The following CTNNA3 variants were observed in gnomAD, a reference collection of about 807,000 sequenced individuals.
CTNNA3 encodes catenin alpha 3, also known as catenin alpha-3.
Under a neutral mutation model 95.7 loss-of-function variants are expected in CTNNA3, and 76 were observed. The observed-to-expected ratio is 0.79, with a 90% CI of 0.66 to 0.96. CTNNA3 has a LOEUF of 0.96. Ranked by LOEUF, CTNNA3 falls within the 40% of genes least tolerant of loss-of-function variation. The probability of loss-of-function intolerance (pLI) is 0.00; values close to 1 mark genes in which losing one functional copy is unlikely to be tolerated. For missense variants in CTNNA3, 1,191 were observed against 1,089.8 expected (o/e 1.09, Z -1.31); for synonymous variants, 431 against 374.4 (o/e 1.15, Z -1.74).
intron 7 of CTNNA3, among the ~76,000 whole-genome samples, chr10:67,047,043 C>T (rs897037679): frequency 1.3e-5 from 2 of 152,214 alleles, no homozygotes; most frequent in African/African-American, 4.8e-5. Flanking sequence ...TCCAGGAGCA[C>T]TGCCTGTATC....
At chr10:66,018,824 C>T (rs2079144741) in intron 15 of CTNNA3, among the ~76,000 whole-genome samples, 2 of 151,812 alleles carry the variant, frequency 1.3e-5, no homozygotes, top group South Asian at 4.2e-4. Context: ...ATAAATGATT[C>T]CTCAGAATTA....
chr10:66,225,060 C>A (rs950194058), intron 13 of CTNNA3, among the ~76,000 whole-genome samples: 1 of 151,968 alleles, frequency 6.6e-6, no homozygotes, highest in Non-Finnish European at 1.5e-5. Flanking sequence ...ATCCTTTCTT[C>A]TAGCTATTTG....
chr10:67,584,361 C>T (rs4568895), intron 3 of CTNNA3, among the ~76,000 whole-genome samples: 61,189 of 152,064 alleles, frequency 0.4, 15,916 homozygotes, highest in African/African-American at 0.71. Flanking sequence ...TGAGTATCAA[C>T]AGTGGAGGCT....
chr10:67,694,391 T>C lies in CTNNA3; in HGVS notation c.-6+1609A>G, dbSNP rs569492307. Among the ~76,000 whole-genome samples, 4 of 152,252 alleles carry C rather than the reference T, an allele frequency of 2.6e-5. No individual in the cohort carries two copies. In the East Asian group the frequency reaches 7.7e-4, roughly 29 times the overall value. On this transcript the variant is annotated intron_variant, in intron 1 of 17. Coordinates refer to ENST00000433211, the MANE Select transcript of CTNNA3 (RefSeq NM_013266.4). ...TGGTAGACTAGGAATTTTACAATGC[T>C]TTAAAAGAATAACAGTAAAAACACA...
At chr10:66,523,555 T>G (rs892177943) in intron 10 of CTNNA3, among the ~76,000 whole-genome samples, 2 of 152,146 alleles carry the variant, frequency 1.3e-5, no homozygotes, top group Admixed American at 6.6e-5. Context: ...TAACCATTCT[T>G]AAATCTTCTT....
intron 7 of CTNNA3, among the ~76,000 whole-genome samples, chr10:66,800,421 C>A (rs1841386926): frequency 6.6e-6 from 1 of 150,686 alleles, no homozygotes; most frequent in South Asian, 2.1e-4. Flanking sequence ...TTATAAAATA[C>A]AGCAATACTT....
chr10:66,031,720 TA>T (rs1173539722), intron 15 of CTNNA3, among the ~76,000 whole-genome samples: 2 of 152,174 alleles, frequency 1.3e-5, no homozygotes, highest in Admixed American at 6.5e-5. Context: ...GTTGAAATTT[TA>T]AAACATGTAT....
chr10:66,778,807 C>T (rs1840413827), intron 7 of CTNNA3, among the ~76,000 whole-genome samples: 1 of 152,176 alleles, frequency 6.6e-6, no homozygotes, highest in East Asian at 1.9e-4. Flanking sequence ...GAAACACCAT[C>T]TTTACTAAAC....
chr10:65,960,009 C>G (rs1026911251), intron 17 of CTNNA3, among the ~76,000 whole-genome samples: 9 of 152,118 alleles, frequency 5.9e-5, no homozygotes, highest in African/African-American at 2.2e-4. Context: ...ATTTTCTCTT[C>G]TAAGCAGTGT....
chr10:66,633,155 T>C (rs538929498), intron 9 of CTNNA3, among the ~76,000 whole-genome samples: 1 of 152,292 alleles, frequency 6.6e-6, no homozygotes, highest in South Asian at 2.1e-4. Flanking sequence ...AGCAATTCAA[T>C]TTAATGGAAT....
intron 14 of CTNNA3, among the ~76,000 whole-genome samples, chr10:66,083,042 T>TC: frequency 8.2e-6 from 1 of 121,672 alleles, no homozygotes; most frequent in East Asian, 2.3e-4. Flanking sequence ...CTATTTTTTT[T>TC]TCTCTTTGCT....
At chr10:66,490,048 T>C (rs752782326) in intron 11 of CTNNA3, among the ~76,000 whole-genome samples, 5 of 152,186 alleles carry the variant, frequency 3.3e-5, no homozygotes, top group Non-Finnish European at 7.3e-5. Context: ...GAGTGGGAAT[T>C]AGAAAAACGG....
chr10:66,301,778 A>G (rs1451978166), intron 12 of CTNNA3, among the ~76,000 whole-genome samples: 1 of 152,046 alleles, frequency 6.6e-6, no homozygotes, highest in Non-Finnish European at 1.5e-5. Flanking sequence ...AATGGAGACA[A>G]ACTAGATCTC....
At chr10:66,153,131 G>A (rs977672815) in intron 13 of CTNNA3, among the ~76,000 whole-genome samples, 130 of 151,242 alleles carry the variant, frequency 8.6e-4, no homozygotes, top group African/African-American at 3.1e-3. Context: ...TCAAATATGC[G>A]TGTTTCAGTA....
chr10:67,311,201 T>C (rs1840781176), intron 5 of CTNNA3, among the ~76,000 whole-genome samples: 1 of 152,120 alleles, frequency 6.6e-6, no homozygotes, highest in South Asian at 2.1e-4. Context: ...AAGTCTACAG[T>C]AGACTTATAT....
At chr10:66,540,176 G>A (rs1166413742) in intron 10 of CTNNA3, among the ~76,000 whole-genome samples, 1 of 152,076 alleles carries the variant, frequency 6.6e-6, no homozygotes, top group Non-Finnish European at 1.5e-5. Flanking sequence ...ATTTAGGATG[G>A]CAGGACATTT....
At chr10:66,699,563 A>AT (rs954707109) in intron 9 of CTNNA3, among the ~76,000 whole-genome samples, 11 of 151,506 alleles carry the variant, frequency 7.3e-5, no homozygotes, top group Non-Finnish European at 1.0e-4. Flanking sequence ...TACTTTGGTC[A>AT]TTTTTTTTAT....
At chr10:66,963,972 G>A (rs1005420304) in intron 7 of CTNNA3, among the ~76,000 whole-genome samples, 6 of 151,622 alleles carry the variant, frequency 4.0e-5, no homozygotes, top group South Asian at 2.1e-4. Context: ...TCAGCCTCCC[G>A]AGTGGCTGGG....
intron 7 of CTNNA3, among the ~76,000 whole-genome samples, chr10:67,041,065 G>T (rs886139294): frequency 1.1e-4 from 16 of 152,048 alleles, no homozygotes; most frequent in African/African-American, 3.6e-4. Context: ...ACTTAGAATT[G>T]TACTGATAAT....
Sources: allele counts gnomAD v4.1 joint callset (sites outside exome capture counted in the v4.1 genomes callset), GRCh38; gene constraint gnomAD v4.1.1; transcripts MANE v1.5; gene names NCBI Gene and HGNC (gene_info 2026-07-23, HGNC 2026-07-21).